Variants in NRG1 observed in about 807,000 individuals in gnomAD.
NRG1 encodes pro-neuregulin-1, membrane-bound isoform.
Under a neutral mutation model 63.8 loss-of-function variants are expected in NRG1, and 18 were observed. That is an observed-to-expected ratio of 0.28 (90% CI 0.19 to 0.42). The LOEUF (loss-of-function observed/expected upper bound fraction) is 0.42. NRG1 is among the 10% of genes least tolerant of loss of function. The pLI, the probability that NRG1 is intolerant of heterozygous loss-of-function variation, is 1.00. For synonymous variants in NRG1, 302 were observed against 301.3 expected, an observed-to-expected ratio of 1.00 and a Z score of -0.02; for missense variants, 762 against 814.7, an observed-to-expected ratio of 0.94 and a Z score of 0.79.
chr8:31,847,918 G>A (rs1012177028), intron 1 of NRG1, among the ~76,000 whole-genome samples: 3 of 152,200 alleles, frequency 2.0e-5, no homozygotes, highest in Non-Finnish European at 4.4e-5. Flanking sequence ...TAATAAAGAT[G>A]TTGGTAAGAG....
In NRG1 at chr8:32,179,214, G is replaced by T. The variant is rs932003485; in HGVS notation, c.38-416614G>T. ...AAAAAAAAAAAAAAAAAAAAAAAAA[G>T]TAGGAGGGAGTGCCTATATCCAGTA... On this transcript the variant is annotated intron_variant, in intron 1 of 10. Transcript: ENST00000519301. 6.1e-4 allele frequency among the ~76,000 whole-genome samples: 55 copies of T among 90,454 alleles called. 1 individual carries two copies. Among genetic ancestry groups the T allele is most frequent in the Non-Finnish European group, 9.8e-4 (42 of 42,776 alleles). The allele number at this position is 90,454 out of a possible 152,430, so 59.3% of individuals were successfully genotyped here.
chr8:32,708,365 C>T (rs1816969431), intron 5 of NRG1, among the ~76,000 whole-genome samples: 1 of 152,192 alleles, frequency 6.6e-6, no homozygotes, highest in Non-Finnish European at 1.5e-5. Context: ...GAATTCTTAA[C>T]TTGAATTGGC....
At chr8:31,760,318 A>G (rs1817404332) in intron 1 of NRG1, among the ~76,000 whole-genome samples, 1 of 152,172 alleles carries the variant, frequency 6.6e-6, no homozygotes, top group Non-Finnish European at 1.5e-5. Flanking sequence ...TCCTTTCCCC[A>G]TTGCTTGTTT....
At chr8:32,478,478 A>G (rs986701006) in intron 1 of NRG1, among the ~76,000 whole-genome samples, 7 of 152,236 alleles carry the variant, frequency 4.6e-5, no homozygotes, top group Non-Finnish European at 1.5e-5. Flanking sequence ...TGTTTTACGT[A>G]TTATTTATTT....
At position 32,396,047 on chromosome 8, in the gene NRG1, A is replaced by G. The variant is rs142283870; in HGVS notation, c.38-199781A>G. On this transcript the variant is annotated intron_variant, in intron 1 of 10. Transcript: ENST00000519301. The stretch of plus-strand genomic sequence containing the variant: ...AAATAAATTGACTATGTGTAAGTCT[A>G]TTTCTGGTATCTCTATTCTGTTCTA... Among the ~76,000 whole-genome samples the G allele has an allele frequency of 1.0e-3, 154 of 152,224 alleles. 1 individual carries two copies. In the Middle Eastern group the frequency reaches 0.014, roughly 13 times the overall value.
At chr8:32,062,043 A>G (rs548818518) in intron 1 of NRG1, among the ~76,000 whole-genome samples, 1 of 152,008 alleles carries the variant, frequency 6.6e-6, no homozygotes, top group Non-Finnish European at 1.5e-5. Context: ...TGTAGAGCAC[A>G]AAAGTTCTCC....
At chr8:32,735,420 C>A (rs1379332368) in intron 6 of NRG1, among the ~76,000 whole-genome samples, 1 of 152,068 alleles carries the variant, frequency 6.6e-6, no homozygotes, top group East Asian at 1.9e-4. Flanking sequence ...TGTCAATTTA[C>A]AGGAAAACGA....
chr8:32,400,176 G>T (rs983281556), intron 1 of NRG1, among the ~76,000 whole-genome samples: 1 of 152,130 alleles, frequency 6.6e-6, no homozygotes, highest in African/African-American at 2.4e-5. Flanking sequence ...CTGTAGTATC[G>T]CTTCAAATAT....
At chr8:32,217,623 A>T (rs78519709) in intron 1 of NRG1, among the ~76,000 whole-genome samples, 6 of 152,338 alleles carry the variant, frequency 3.9e-5, no homozygotes, top group Non-Finnish European at 8.8e-5. Flanking sequence ...TGAAATTACC[A>T]GTAGGGAAGA....
At chr8:31,818,436 C>G (rs780187131) in intron 1 of NRG1, among the ~76,000 whole-genome samples, 65 of 152,210 alleles carry the variant, frequency 4.3e-4, no homozygotes, top group Non-Finnish European at 8.2e-4. Context: ...TTTTTGGCAC[C>G]AGGAACCAGT....
At chr8:32,108,533 A>C (rs1174239302) in intron 1 of NRG1, among the ~76,000 whole-genome samples, 1 of 152,032 alleles carries the variant, frequency 6.6e-6, no homozygotes, top group Non-Finnish European at 1.5e-5. Flanking sequence ...ATCTCTTAAA[A>C]CTACTAGGTT....
chr8:31,779,315 C>A (rs192654738), intron 1 of NRG1, among the ~76,000 whole-genome samples: 141 of 152,210 alleles, frequency 9.3e-4, no homozygotes, highest in Non-Finnish European at 1.2e-3. Flanking sequence ...AGTGTGCTGG[C>A]ATTACCTTAA....
chr8:32,469,544 G>A (rs952744881), intron 1 of NRG1, among the ~76,000 whole-genome samples: 3 of 152,172 alleles, frequency 2.0e-5, no homozygotes, highest in Admixed American at 6.5e-5. Flanking sequence ...CATCTCAGTG[G>A]TGAGATGTAG....
intron 1 of NRG1, among the ~76,000 whole-genome samples, chr8:31,836,780 C>T (rs528358934): frequency 2.0e-5 from 3 of 152,128 alleles, no homozygotes; most frequent in African/African-American, 7.2e-5. Context: ...TGTGCAAATA[C>T]ATTATAAGAT....
chr8:32,752,356 A>G (rs983672154), intron 7 of NRG1, among the ~76,000 whole-genome samples: 48 of 152,308 alleles, frequency 3.2e-4, no homozygotes, highest in African/African-American at 1.1e-3. Flanking sequence ...GGGAGGCAGC[A>G]GACATATGCA....
At chr8:31,909,573 A>G (rs1832779531) in intron 1 of NRG1, among the ~76,000 whole-genome samples, 1 of 152,196 alleles carries the variant, frequency 6.6e-6, no homozygotes, top group African/African-American at 2.4e-5. Context: ...TATGTCTCTG[A>G]ATGGGAACTG....
At chr8:32,080,052 GACA>G (rs1305912148) in intron 1 of NRG1, among the ~76,000 whole-genome samples, 2 of 151,994 alleles carry the variant, frequency 1.3e-5, no homozygotes, top group East Asian at 3.9e-4. Flanking sequence ...TTAAAAAAAA[GACA>G]ACAATACTTA....
At chr8:32,685,162 AT>A (rs1439985751) in intron 5 of NRG1, among the ~76,000 whole-genome samples, 2 of 152,198 alleles carry the variant, frequency 1.3e-5, no homozygotes, top group African/African-American at 4.8e-5. Flanking sequence ...CTACCTCCAA[AT>A]TCTTTAGTAC....
intron 1 of NRG1, chr8:32,441,298 C>T (rs1044038565): frequency 6.6e-6 from 1 of 152,212 alleles, no homozygotes; most frequent in Admixed American, 6.5e-5. Flanking sequence ...TGTACCATCT[C>T]CGTGGTAGCA....
Sources: allele counts gnomAD v4.1 joint callset (sites outside exome capture counted in the v4.1 genomes callset), GRCh38; gene constraint gnomAD v4.1.1; transcripts MANE v1.5; gene names NCBI Gene and HGNC (gene_info 2026-07-23, HGNC 2026-07-21).